TAFA2: variants seen among roughly 807,000 people sequenced by gnomAD.
The protein encoded by TAFA2 is TAFA chemokine like family member 2.
Under a neutral mutation model 18.8 loss-of-function variants are expected in TAFA2, and 7 were observed. The ratio of observed to expected loss-of-function variants is 0.37; its 90% confidence interval spans 0.21 to 0.70. The LOEUF (loss-of-function observed/expected upper bound fraction) is 0.70, where lower values mean the gene tolerates loss of function less well. Among genes scored for constraint, TAFA2 ranks in the 30% least tolerant of loss-of-function variants. The pLI, the probability that TAFA2 is intolerant of heterozygous loss-of-function variation, is 0.53. For missense variants in TAFA2, 122 were observed against 158.1 expected (o/e 0.77, Z 1.23); for synonymous variants, 60 against 54.2 (o/e 1.11, Z -0.47).
chr12:62,021,445 C>T, intron 1 of TAFA2: 1 of 485,036 alleles, frequency 2.1e-6, no homozygotes, highest in South Asian at 1.9e-5. Flanking sequence ...CACCCTTTCC[C>T]CCAAGACCCC....
chr12:62,014,910 A>T (rs891316657), intron 1 of TAFA2, among the ~76,000 whole-genome samples: 7 of 152,192 alleles, frequency 4.6e-5, no homozygotes, highest in Non-Finnish European at 7.3e-5. Context: ...CTCCAAAAAA[A>T]AAGCCATCCA....
At chr12:62,040,982 C>T (rs1261757028) in intron 1 of TAFA2, among the ~76,000 whole-genome samples, 7 of 152,090 alleles carry the variant, frequency 4.6e-5, no homozygotes, top group Non-Finnish European at 8.8e-5. Flanking sequence ...GAGCCGTGAA[C>T]AAGAAAGACT....
intron 1 of TAFA2, among the ~76,000 whole-genome samples, chr12:62,218,844 T>G: frequency 6.6e-6 from 1 of 152,176 alleles, no homozygotes. Context: ...AGTTTTCTAT[T>G]TACCAAAGAT....
At chr12:61,962,632 A>C (rs1196789521) in intron 1 of TAFA2, among the ~76,000 whole-genome samples, 4 of 152,040 alleles carry the variant, frequency 2.6e-5, no homozygotes, top group African/African-American at 9.7e-5. Flanking sequence ...CAAGAAAGAG[A>C]AGAGTATATG....
At chr12:61,957,716 T>C (rs1878746125) in intron 1 of TAFA2, among the ~76,000 whole-genome samples, 1 of 152,034 alleles carries the variant, frequency 6.6e-6, no homozygotes. Flanking sequence ...CAGCTAAAAG[T>C]CCGTATCTCC....
chr12:62,008,139 A>G (rs1460215026), intron 1 of TAFA2, among the ~76,000 whole-genome samples: 1 of 152,206 alleles, frequency 6.6e-6, no homozygotes, highest in African/African-American at 2.4e-5. Flanking sequence ...TTACAAAGAA[A>G]TAAAGTATAA....
intron 1 of TAFA2, among the ~76,000 whole-genome samples, chr12:62,046,963 G>T (rs1881926037): frequency 6.6e-6 from 1 of 151,924 alleles, no homozygotes; most frequent in African/African-American, 2.4e-5. Flanking sequence ...GTAAACTTAT[G>T]TCATGGGGGT....
chr12:61,743,939 A>G (rs536684600), intron 4 of TAFA2, among the ~76,000 whole-genome samples: 7 of 152,208 alleles, frequency 4.6e-5, no homozygotes, highest in Non-Finnish European at 7.4e-5. Flanking sequence ...ACCACTAACT[A>G]TGGCTTCTTG....
chr12:61,826,248 C>T (rs763109743), intron 2 of TAFA2, among the ~76,000 whole-genome samples: 1 of 151,864 alleles, frequency 6.6e-6, no homozygotes, highest in Non-Finnish European at 1.5e-5. Context: ...TAGCACACAA[C>T]CTGACAGTAC....
chr12:61,738,390 A>G (rs1189986079), intron 4 of TAFA2, among the ~76,000 whole-genome samples: 1 of 151,758 alleles, frequency 6.6e-6, no homozygotes, highest in Non-Finnish European at 1.5e-5. Flanking sequence ...GCATTTTTAA[A>G]CGTAAAAGAT....
rs1037333497 is a variant in TAFA2, at chr12:62,013,277, T to C, written c.-1-145851A>G. Reference sequence around the variant, plus strand: ...GGTATTTACCATAAGGGCAGCACAATAGAAATCAATGCCTGCCAGTACCCA... The same window carrying C: ...GGTATTTACCATAAGGGCAGCACAACAGAAATCAATGCCTGCCAGTACCCA... On this transcript the variant is annotated intron_variant, in intron 1 of 4. Coordinates refer to ENST00000416284, the MANE Select transcript of TAFA2 (RefSeq NM_178539.5). Among the ~76,000 whole-genome samples, 3 of 152,152 alleles carry C rather than the reference T, an allele frequency of 2.0e-5. No homozygotes were observed. In the East Asian group the frequency reaches 5.8e-4, roughly 29 times the overall value.
At position 62,036,495 on chromosome 12, in the gene TAFA2, C is replaced by T. The variant is rs118084460; in HGVS notation, c.-2+154764G>A. Among the ~76,000 whole-genome samples the T allele has an allele frequency of 3.9e-3, 589 of 152,188 alleles. 10 individuals carry two copies. Among genetic ancestry groups the T allele is most frequent in the East Asian group, 0.03 (156 of 5,180 alleles). ...ACAGGGCCACTAGTTATGTACTTCC[C>T]CATTGTCCATTCATTTATCTGAAGT... On this transcript the variant is annotated intron_variant, in intron 1 of 4. Transcript: ENST00000416284.
At chr12:61,993,469 G>A (rs940174659) in intron 1 of TAFA2, among the ~76,000 whole-genome samples, 2 of 152,108 alleles carry the variant, frequency 1.3e-5, no homozygotes, top group South Asian at 2.1e-4. Context: ...ATCTAGTGGC[G>A]ATTGAGAATG....
chr12:61,830,889 A>G (rs1366810004), intron 2 of TAFA2, among the ~76,000 whole-genome samples: 1 of 152,048 alleles, frequency 6.6e-6, no homozygotes, highest in Non-Finnish European at 1.5e-5. Flanking sequence ...CAGCGGGCCA[A>G]ATATGTATTT....
chr12:62,114,440 A>G (rs1869872241), intron 1 of TAFA2, among the ~76,000 whole-genome samples: 1 of 152,192 alleles, frequency 6.6e-6, no homozygotes, highest in Admixed American at 6.5e-5. Flanking sequence ...CTATTCGGCC[A>G]TCTTGCCCAG....
intron 1 of TAFA2, among the ~76,000 whole-genome samples, chr12:61,899,690 C>T (rs1322422839): frequency 6.6e-6 from 1 of 152,084 alleles, no homozygotes; most frequent in African/African-American, 2.4e-5. Flanking sequence ...GGTGGGGACA[C>T]AGAGCCAAAC....
chr12:61,819,605 A>G (rs773963035), intron 2 of TAFA2, among the ~76,000 whole-genome samples: 17 of 152,072 alleles, frequency 1.1e-4, no homozygotes, highest in East Asian at 1.9e-4. Context: ...CTCAGATTCT[A>G]TATTATCTTT....
At chr12:61,871,872 C>A (rs1156964895) in intron 1 of TAFA2, among the ~76,000 whole-genome samples, 2 of 152,120 alleles carry the variant, frequency 1.3e-5, no homozygotes, top group African/African-American at 4.8e-5. Flanking sequence ...GTGGGTGGAT[C>A]ACAAGGTCAG....
intron 4 of TAFA2, among the ~76,000 whole-genome samples, chr12:61,732,685 G>A (rs1281802346): frequency 6.6e-6 from 1 of 151,720 alleles, no homozygotes; most frequent in Non-Finnish European, 1.5e-5. Context: ...GATGGTGATG[G>A]TTTGCAATGT....
Sources: allele counts gnomAD v4.1 joint callset (sites outside exome capture counted in the v4.1 genomes callset), GRCh38; gene constraint gnomAD v4.1.1; transcripts MANE v1.5; gene names NCBI Gene and HGNC (gene_info 2026-07-23, HGNC 2026-07-21).